Variants in LRRC49 observed in about 807,000 individuals in gnomAD.
LRRC49 encodes leucine rich repeat containing 49.
In LRRC49, 50 loss-of-function variants were observed where a neutral mutation model predicts 83.3. That is an observed-to-expected ratio of 0.60 (90% CI 0.48 to 0.76). The LOEUF (loss-of-function observed/expected upper bound fraction) is 0.76, where lower values mean the gene tolerates loss of function less well. Among genes scored for constraint, LRRC49 ranks in the 30% least tolerant of loss-of-function variants. LRRC49 has a pLI of 0.00. For synonymous variants in LRRC49, 286 were observed against 283.3 expected (o/e 1.01, Z -0.10); for missense variants, 704 against 809.1 (o/e 0.87, Z 1.58).
intron 5 of LRRC49, among the ~76,000 whole-genome samples, chr15:70,909,886 CAAAA>C (rs1404942913): frequency 3.3e-4 from 36 of 108,202 alleles, no homozygotes; most frequent in African/African-American, 1.2e-3. Flanking sequence ...ACAAAACAAA[CAAAA>C]AAAGAAAGTT....
At chr15:70,965,165 T>C (rs559734644) in intron 9 of LRRC49, among the ~76,000 whole-genome samples, 2 of 152,314 alleles carry the variant, frequency 1.3e-5, no homozygotes, top group East Asian at 1.9e-4. Flanking sequence ...TAAATTGCTC[T>C]TTCTAATGAG....
intron 11 of LRRC49, among the ~76,000 whole-genome samples, chr15:70,986,638 C>A (rs1453175902): frequency 8.4e-6 from 1 of 119,208 alleles, no homozygotes; most frequent in Non-Finnish European, 1.9e-5. Flanking sequence ...CCTTCTCCTG[C>A]CTAATTGCCC....
intron 7 of LRRC49, among the ~76,000 whole-genome samples, chr15:70,933,606 G>T (rs896870649): frequency 1.3e-5 from 2 of 152,112 alleles, no homozygotes; most frequent in African/African-American, 4.8e-5. Flanking sequence ...GCAGAGTACC[G>T]CCAGAATGAC....
chr15:70,910,022 G>A (rs996441286), intron 5 of LRRC49, among the ~76,000 whole-genome samples: 2 of 152,106 alleles, frequency 1.3e-5, no homozygotes, highest in African/African-American at 4.8e-5. Flanking sequence ...CAGTGAGTCC[G>A]GAAGAATGCT....
At chr15:70,967,879 C>T (rs1039634316) in intron 9 of LRRC49, among the ~76,000 whole-genome samples, 7 of 151,846 alleles carry the variant, frequency 4.6e-5, no homozygotes, top group South Asian at 2.1e-4. Context: ...CTGAATAAAT[C>T]GCTGAACCAC....
chr15:70,890,008 T>C (rs2033510746), upstream of LRRC49, among the ~76,000 whole-genome samples: 1 of 152,212 alleles, frequency 6.6e-6, no homozygotes, highest in Non-Finnish European at 1.5e-5. Flanking sequence ...AGCAAGTATA[T>C]TAATGTACTA....
intron 5 of LRRC49, 134 bp from the exon 6 acceptor site, chr15:70,911,398 T>G (rs565523221): frequency 3.8e-4 from 163 of 425,880 alleles, no homozygotes; most frequent in African/African-American, 3.1e-3. Context: ...AATATATTAT[T>G]GTTGAATATA....
chr15:70,881,778 AT>A (rs1395860571), intron 2 of LRRC49: 1 of 152,216 alleles, frequency 6.6e-6, no homozygotes, highest in Non-Finnish European at 1.5e-5. Flanking sequence ...AATCAAGCTA[AT>A]TAATGTGTCG....
intron 10 of LRRC49, among the ~76,000 whole-genome samples, chr15:70,983,304 G>C (rs1313804293): frequency 6.6e-6 from 1 of 152,128 alleles, no homozygotes; most frequent in African/African-American, 2.4e-5. Flanking sequence ...CTGGAAGTCA[G>C]TGGTTCTCAA....
rs563383624 is a variant in LRRC49, at chr15:70,912,789, G to T, written c.567+1191G>T. On this transcript the variant is annotated intron_variant, in intron 6 of 15. Coordinates refer to ENST00000260382, the MANE Select transcript of LRRC49 (RefSeq NM_017691.5). ...CCTCCCGGGTTCACGCCATTCTCCT[G>T]CCTCAGCCTCCTGAGTAGCTGGGAC... Among the ~76,000 whole-genome samples the T allele has an allele frequency of 4.8e-3, 723 of 152,052 alleles. 9 individuals are homozygous for T. Among genetic ancestry groups the T allele is most frequent in the African/African-American group, 0.017 (704 of 41,484 alleles).
chr15:70,894,396 C>A (rs899526423), intron 2 of LRRC49, among the ~76,000 whole-genome samples: 11 of 152,096 alleles, frequency 7.2e-5, no homozygotes, highest in Admixed American at 2.0e-4. Context: ...AATAGGTTAG[C>A]AGTGGACACA....
At chr15:71,004,119 A>G (rs1289582848) in intron 11 of LRRC49, among the ~76,000 whole-genome samples, 1 of 151,948 alleles carries the variant, frequency 6.6e-6, no homozygotes, top group Non-Finnish European at 1.5e-5. Context: ...AAATTTAAAA[A>G]CCTTTTTCTG....
At chr15:70,916,570 C>T (rs538940891) in intron 6 of LRRC49, among the ~76,000 whole-genome samples, 2 of 152,318 alleles carry the variant, frequency 1.3e-5, no homozygotes, top group African/African-American at 4.8e-5. Flanking sequence ...ACTGGGATTA[C>T]AGGTGTGAGC....
intron 8 of LRRC49, among the ~76,000 whole-genome samples, chr15:70,941,160 A>C (rs2035800503): frequency 6.6e-6 from 1 of 152,216 alleles, no homozygotes; most frequent in South Asian, 2.1e-4. Flanking sequence ...AGGTGAAAAT[A>C]GATATTCACA....
chr15:70,984,960 C>T (rs1052535452), intron 11 of LRRC49, among the ~76,000 whole-genome samples: 13 of 147,254 alleles, frequency 8.8e-5, no homozygotes, highest in Non-Finnish European at 1.5e-5. Flanking sequence ...GACATGAACT[C>T]ATCATTTTTT....
chr15:70,893,155 C>G (rs2033661816), intron 1 of LRRC49: 2 of 618,682 alleles, frequency 3.2e-6, no homozygotes, highest in Non-Finnish European at 5.7e-6. Flanking sequence ...TCTGGGCTCC[C>G]CAGAAGGTGG....
chr15:70,894,904 A>G, intron 2 of LRRC49: 1 of 189,372 alleles, frequency 5.3e-6, no homozygotes, highest in Non-Finnish European at 1.1e-5. Context: ...AGATTAATTG[A>G]AAATATTATT....
intron 14 of LRRC49, among the ~76,000 whole-genome samples, chr15:71,025,832 A>G (rs1207585457): frequency 6.6e-6 from 1 of 152,128 alleles, no homozygotes; most frequent in African/African-American, 2.4e-5. Flanking sequence ...TAACTATCCT[A>G]AGTATATATG....
chr15:70,941,071 A>G (rs184139996), intron 8 of LRRC49, among the ~76,000 whole-genome samples: 3 of 152,328 alleles, frequency 2.0e-5, no homozygotes, highest in African/African-American at 7.2e-5. Context: ...CTCTGAGTAT[A>G]GTAAGGTGGC....
Sources: allele counts gnomAD v4.1 joint callset (sites outside exome capture counted in the v4.1 genomes callset), GRCh38; gene constraint gnomAD v4.1.1; transcripts MANE v1.5; gene names NCBI Gene and HGNC (gene_info 2026-07-23, HGNC 2026-07-21).